The following PLCE1 variants were observed in gnomAD, a reference collection of about 807,000 sequenced individuals.
PLCE1 encodes 1-phosphatidylinositol 4,5-bisphosphate phosphodiesterase epsilon-1.
Under a neutral mutation model 242.8 loss-of-function variants are expected in PLCE1, and 119 were observed. The ratio of observed to expected loss-of-function variants is 0.49; its 90% CI spans 0.42 to 0.57. PLCE1 has a LOEUF of 0.57. PLCE1 is among the 20% of genes least tolerant of loss of function. PLCE1 has a pLI of 0.00. For synonymous variants in PLCE1, 945 were observed against 1,017.4 expected (o/e 0.93, Z 1.35); for missense variants, 2,441 against 2,788.8 (o/e 0.88, Z 2.81).
intron 3 of PLCE1, among the ~76,000 whole-genome samples, chr10:94,156,788 C>T (rs1158598250): frequency 6.6e-6 from 1 of 151,966 alleles, no homozygotes; most frequent in Non-Finnish European, 1.5e-5. Flanking sequence ...CAGGAACCCA[C>T]CAAAAGTTAC....
intron 3 of PLCE1, among the ~76,000 whole-genome samples, chr10:94,167,168 G>T (rs1048245145): frequency 6.6e-6 from 1 of 152,180 alleles, no homozygotes; most frequent in African/African-American, 2.4e-5. Context: ...ACACACGCCT[G>T]TAATCCCAGC....
intron 2 of PLCE1, among the ~76,000 whole-genome samples, chr10:94,071,873 C>A (rs1267569028): frequency 2.0e-5 from 3 of 152,066 alleles, no homozygotes; most frequent in Non-Finnish European, 4.4e-5. Context: ...TGTCCTCTCT[C>A]TTAGTATTAA....
chr10:94,144,129 T>A (rs535285979), intron 3 of PLCE1, among the ~76,000 whole-genome samples: 1 of 152,214 alleles, frequency 6.6e-6, no homozygotes, highest in Non-Finnish European at 1.5e-5. Flanking sequence ...TCTAGGCTGA[T>A]ACACTACCAA....
intron 30 of PLCE1, among the ~76,000 whole-genome samples, chr10:94,323,184 C>T (rs1043773233): frequency 1.3e-5 from 2 of 152,136 alleles, no homozygotes; most frequent in African/African-American, 2.4e-5. Flanking sequence ...CTACTCTGAT[C>T]CTCTCCCCTC....
intron 4 of PLCE1, among the ~76,000 whole-genome samples, chr10:94,204,789 A>AGGAC (rs1463177216): frequency 2.4e-5 from 3 of 123,320 alleles, no homozygotes; most frequent in Non-Finnish European, 5.5e-5. Flanking sequence ...GAAGGAAGGA[A>AGGAC]GGAAGGAAGG....
chr10:94,328,340 A>G lies in PLCE1; in HGVS notation c.*397A>G. 6.1e-6 allele frequency: 1 copy of G among 163,384 alleles called. No individual in the cohort carries two copies. The highest frequency in any genetic ancestry group is 1.6e-4 in the East Asian group (1 of 6,104). 10.1% of individuals were successfully genotyped at this position (163,384 alleles called of 1,614,324 possible). A position where few individuals can be genotyped will look rare whatever the true frequency, so the allele number is the denominator to read the frequency against. The stretch of plus-strand genomic sequence containing the variant: ...GCAAAAGCAGCCATAGACAACACAT[A>G]CATGAACGAACGTGGCTGTATTCCA... On this transcript the variant is annotated 3_prime_UTR_variant, in exon 33 of 33. Transcript: ENST00000371380.
At chr10:94,095,023 G>T (rs2045251724) in intron 2 of PLCE1, among the ~76,000 whole-genome samples, 1 of 152,144 alleles carries the variant, frequency 6.6e-6, no homozygotes, top group Non-Finnish European at 1.5e-5. Context: ...GTTTCCAACT[G>T]CTGGTAACTG....
intron 5 of PLCE1, among the ~76,000 whole-genome samples, chr10:94,233,675 C>T (rs1262944923): frequency 6.6e-6 from 1 of 152,254 alleles, no homozygotes; most frequent in Non-Finnish European, 1.5e-5. Flanking sequence ...GGGCTGGGCG[C>T]GGTGGCTCAT....
At position 94,265,910 on chromosome 10, in the gene PLCE1, C is replaced by G. The variant is rs1217026892; in HGVS notation, c.4233C>G (p.Leu1411=). ...YYIESSHNTY[L]TGHQLKGESS... is the part of the protein sequence containing the mutation. Reference sequence around the variant, plus strand: ...TCGAATCTTCGCACAATACCTACCTCACGGGCCATCAGCTCAAAGGAGAAT... The same window carrying G: ...TCGAATCTTCGCACAATACCTACCTGACGGGCCATCAGCTCAAAGGAGAAT... The change falls in exon 16 of 33, where the codon CTC becomes CTG. Residue 1411 remains leucine (L), a synonymous_variant. Coordinates refer to ENST00000371380, the MANE Select transcript of PLCE1 (RefSeq NM_016341.4). 2.5e-6 allele frequency: 4 copies of G among 1,613,980 alleles called. No homozygotes were observed. Among genetic ancestry groups the G allele is most frequent in the Non-Finnish European group, 2.5e-6 (3 of 1,179,962 alleles).
At chr10:94,051,121 A>G (rs1589920672) in intron 2 of PLCE1, among the ~76,000 whole-genome samples, 1 of 152,008 alleles carries the variant, frequency 6.6e-6, no homozygotes, top group East Asian at 1.9e-4. Context: ...GGGTACCAAA[A>G]AGCCATGTGA....
intron 2 of PLCE1, among the ~76,000 whole-genome samples, chr10:94,038,138 A>G (rs2061700100): frequency 1.3e-5 from 2 of 152,178 alleles, no homozygotes; most frequent in Middle Eastern, 3.4e-3. Flanking sequence ...GACCTCTGAA[A>G]AGTCACGAGT....
intron 23 of PLCE1, among the ~76,000 whole-genome samples, chr10:94,296,828 A>T (rs758435478): frequency 1.3e-5 from 2 of 151,866 alleles, no homozygotes; most frequent in African/African-American, 4.8e-5. Flanking sequence ...TTGGCCTTTG[A>T]CATGCCTTCC....
At chr10:94,000,962 C>G (rs1350211019) in intron 1 of PLCE1, among the ~76,000 whole-genome samples, 1 of 152,314 alleles carries the variant, frequency 6.6e-6, no homozygotes, top group East Asian at 1.9e-4. Flanking sequence ...CCAGTCTCCT[C>G]CCTGCTTCTG....
chr10:94,106,735 G>A (rs796743550), intron 2 of PLCE1, among the ~76,000 whole-genome samples: 6 of 152,124 alleles, frequency 3.9e-5, no homozygotes, highest in African/African-American at 1.4e-4. Context: ...ACAAATTTGG[G>A]AATTGAATGC....
rs1554877545 is a variant in PLCE1, at chr10:94,179,512, G to GTTTTTTTTTTTTTTTTTTTTTTTTTTT, written c.1809+8034_1809+8035insTTTTTTTTTTTTTTTTTTTTTTTTTTT. On this transcript the variant is annotated intron_variant, in intron 4 of 32. Transcript: ENST00000371380. Reference sequence around the variant, plus strand: ...TTTATCTTATTTTTATTTTAGTTTAGTTTTTTTTTTTTTTTTTTGACAGGG... The same window carrying GTTTTTTTTTTTTTTTTTTTTTTTTTTT: ...TTTATCTTATTTTTATTTTAGTTTAGTTTTTTTTTTTTTTTTTTTTTTTTTTTTTTTTTTTTTTTTTTTTTGACAGGG... Among the ~76,000 whole-genome samples, 33 of 19,386 alleles carry GTTTTTTTTTTTTTTTTTTTTTTTTTTT rather than the reference G, an allele frequency of 1.7e-3. 5 individuals are homozygous for GTTTTTTTTTTTTTTTTTTTTTTTTTTT. Among genetic ancestry groups the GTTTTTTTTTTTTTTTTTTTTTTTTTTT allele is most frequent in the South Asian group, 2.3e-3 (1 of 426 alleles). The allele number at this position is 19,386 out of a possible 152,430, so 12.7% of individuals were successfully genotyped here. A position where few individuals can be genotyped will look rare whatever the true frequency, so the allele number is the denominator to read the frequency against.
At chr10:94,048,091 GTAGGTTGC>G (rs1470989811) in intron 2 of PLCE1, among the ~76,000 whole-genome samples, 1 of 152,076 alleles carries the variant, frequency 6.6e-6, no homozygotes, top group African/African-American at 2.4e-5. Context: ...TTATACTTTT[GTAGGTTGC>G]TGTAGTTCAT....
intron 4 of PLCE1, among the ~76,000 whole-genome samples, chr10:94,177,252 A>G (rs2048155463): frequency 6.6e-6 from 1 of 152,222 alleles, no homozygotes; most frequent in African/African-American, 2.4e-5. Flanking sequence ...ACATTAATGA[A>G]GGCCTGGAGA....
intron 2 of PLCE1, among the ~76,000 whole-genome samples, chr10:94,047,147 T>C (rs1234410078): frequency 6.6e-6 from 1 of 152,222 alleles, no homozygotes; most frequent in Non-Finnish European, 1.5e-5. Context: ...TTGTCTTGAT[T>C]TTTAACCACA....
intron 1 of PLCE1, among the ~76,000 whole-genome samples, chr10:94,011,185 T>C (rs1222364288): frequency 6.6e-6 from 1 of 152,050 alleles, no homozygotes; most frequent in Non-Finnish European, 1.5e-5. Context: ...GCTTTGGAGC[T>C]TTTACTTATG....
Sources: allele counts gnomAD v4.1 joint callset (sites outside exome capture counted in the v4.1 genomes callset), GRCh38; gene constraint gnomAD v4.1.1; transcripts MANE v1.5; gene names NCBI Gene and HGNC (gene_info 2026-07-23, HGNC 2026-07-21).